The following ASIC2 variants were observed in gnomAD, a reference collection of about 807,000 sequenced individuals.
ASIC2 encodes the protein acid sensing ion channel subunit 2.
A neutral mutation model predicts 57.3 loss-of-function variants in ASIC2; 25 were observed. The ratio of observed to expected loss-of-function variants is 0.44; its 90% CI spans 0.32 to 0.61. The LOEUF (loss-of-function observed/expected upper bound fraction) is 0.61. Among genes scored for constraint, ASIC2 ranks in the 20% least tolerant of loss-of-function variants. The pLI, the probability that ASIC2 is intolerant of heterozygous loss-of-function variation, is 0.06. For synonymous variants in ASIC2, 319 were observed against 307.5 expected, an observed-to-expected ratio of 1.04 and a Z score of -0.39; for missense variants, 641 against 738.1, an observed-to-expected ratio of 0.87 and a Z score of 1.52.
chr17:33,249,876 A>G (rs930919822), intron 1 of ASIC2, among the ~76,000 whole-genome samples: 9 of 152,152 alleles, frequency 5.9e-5, no homozygotes, highest in Admixed American at 2.6e-4. Context: ...CTTGGGACTT[A>G]CTGGCCTGTT....
rs56371087 is a variant in ASIC2 at position 33,598,971 on chromosome 17, G to C, written c.556-486904C>G. Among the ~76,000 whole-genome samples the C allele has an allele frequency of 9.5e-3, 1,446 of 152,324 alleles. 31 individuals are homozygous for C. The highest frequency in any genetic ancestry group is 0.072 in the East Asian group (370 of 5,168). On this transcript the variant is annotated intron_variant, in intron 1 of 9. Transcript: ENST00000359872. The stretch of plus-strand genomic sequence containing the variant: ...GGAAACAGATAGCACCATTTGGACT[G>C]TGTGAGTGTGCATGCACCTTACGCA...
chr17:33,723,590 A>G (rs1909451987), intron 1 of ASIC2, among the ~76,000 whole-genome samples: 1 of 152,130 alleles, frequency 6.6e-6, no homozygotes, highest in Non-Finnish European at 1.5e-5. Context: ...CGGCATCCCA[A>G]AGTGCTGGGA....
At chr17:33,400,093 C>A (rs80327249) in intron 1 of ASIC2, among the ~76,000 whole-genome samples, 3,007 of 152,294 alleles carry the variant, frequency 0.02, 67 homozygotes, top group South Asian at 0.08. Flanking sequence ...GGAGGCTGGT[C>A]TGGGTTAAAA....
chr17:33,340,513 C>T (rs1426134709), intron 1 of ASIC2, among the ~76,000 whole-genome samples: 2 of 145,284 alleles, frequency 1.4e-5, no homozygotes, highest in African/African-American at 5.0e-5. Context: ...GTTTTTCTTC[C>T]CATAAGCCTT....
At chr17:33,032,649 A>G (rs1598243865) in intron 3 of ASIC2, among the ~76,000 whole-genome samples, 1 of 151,896 alleles carries the variant, frequency 6.6e-6, no homozygotes, top group African/African-American at 2.4e-5. Context: ...GACTTTCACC[A>G]TGTTGGCCAG....
chr17:33,261,677 A>G (rs1259732092), intron 1 of ASIC2, among the ~76,000 whole-genome samples: 1 of 152,194 alleles, frequency 6.6e-6, no homozygotes, highest in Admixed American at 6.5e-5. Context: ...CTTGGAGGCA[A>G]ATACTATGAT....
At chr17:33,443,406 A>ATTTTTTTTGTGTTTTTTTTTTT (rs1911895842) in intron 1 of ASIC2, among the ~76,000 whole-genome samples, 1 of 75,232 alleles carries the variant, frequency 1.3e-5, no homozygotes, top group African/African-American at 5.5e-5. Flanking sequence ...GGAGGGTAAG[A>ATTTTTTTTGTGTTTTTTTTTTT]TTTTTTTTTT....
chr17:33,093,558 G>T (rs1030332455), intron 2 of ASIC2, among the ~76,000 whole-genome samples: 24 of 152,140 alleles, frequency 1.6e-4, no homozygotes, highest in African/African-American at 5.8e-4. Flanking sequence ...TAACATGAAA[G>T]ATAATGCTGA....
intron 1 of ASIC2, among the ~76,000 whole-genome samples, chr17:33,711,730 G>T (rs1228010318): frequency 2.0e-5 from 3 of 152,078 alleles, no homozygotes; most frequent in African/African-American, 7.2e-5. Context: ...GATCTTATGA[G>T]AACTCACTCA....
intron 1 of ASIC2, among the ~76,000 whole-genome samples, chr17:33,323,955 T>C (rs1399761459): frequency 6.6e-6 from 1 of 151,830 alleles, no homozygotes; most frequent in Non-Finnish European, 1.5e-5. Flanking sequence ...AGGTGTTCAC[T>C]TGGTGAGAAT....
intron 1 of ASIC2, among the ~76,000 whole-genome samples, chr17:33,430,351 A>G (rs1175031250): frequency 2.6e-5 from 4 of 152,148 alleles, no homozygotes; most frequent in Non-Finnish European, 5.9e-5. Flanking sequence ...CCTGGGGGGA[A>G]AATCTAGAAG....
chr17:33,127,665 C>T (rs1162825429), intron 1 of ASIC2, among the ~76,000 whole-genome samples: 2 of 152,126 alleles, frequency 1.3e-5, no homozygotes, highest in Non-Finnish European at 2.9e-5. Flanking sequence ...TTGAAAATGT[C>T]GCTCTAGTTA....
chr17:34,040,161 G>A (rs1908067160), intron 1 of ASIC2, among the ~76,000 whole-genome samples: 1 of 105,108 alleles, frequency 9.5e-6, no homozygotes, highest in Non-Finnish European at 1.8e-5. Flanking sequence ...GCCTCCTGGC[G>A]CCGGACAAAG....
chr17:33,104,722 C>T (rs145249269), intron 2 of ASIC2, among the ~76,000 whole-genome samples: 12 of 152,346 alleles, frequency 7.9e-5, no homozygotes, highest in African/African-American at 2.9e-4. Flanking sequence ...GCCTAAACCT[C>T]TTTCCCTGTG....
intron 1 of ASIC2, among the ~76,000 whole-genome samples, chr17:33,116,668 A>T (rs2092282516): frequency 6.6e-6 from 1 of 152,198 alleles, no homozygotes; most frequent in Non-Finnish European, 1.5e-5. Context: ...GATAAAAATA[A>T]GTCCCACAAC....
At chr17:33,718,849 G>C (rs765795477) in intron 1 of ASIC2, among the ~76,000 whole-genome samples, 1 of 152,212 alleles carries the variant, frequency 6.6e-6, no homozygotes, top group Non-Finnish European at 1.5e-5. Context: ...GCAGCTTGCA[G>C]GTGGTAAGAG....
intron 1 of ASIC2, among the ~76,000 whole-genome samples, chr17:33,399,845 G>T (rs1290816814): frequency 6.6e-6 from 1 of 152,184 alleles, no homozygotes; most frequent in African/African-American, 2.4e-5. Context: ...TCTGGGTTCA[G>T]TGTGGCCACC....
At chr17:34,019,147 A>G (rs187020042) in intron 1 of ASIC2, among the ~76,000 whole-genome samples, 7 of 151,954 alleles carry the variant, frequency 4.6e-5, no homozygotes, top group Non-Finnish European at 1.0e-4. Context: ...TGACCTCATG[A>G]TCCGCCCTCC....
intron 1 of ASIC2, among the ~76,000 whole-genome samples, chr17:33,527,963 T>A (rs1865392): frequency 2.0e-5 from 3 of 152,066 alleles, no homozygotes; most frequent in South Asian, 2.1e-4. Context: ...AGGAAGAAGA[T>A]GGAACTTCAT....
Sources: allele counts gnomAD v4.1 joint callset (sites outside exome capture counted in the v4.1 genomes callset), GRCh38; gene constraint gnomAD v4.1.1; transcripts MANE v1.5; gene names NCBI Gene and HGNC (gene_info 2026-07-23, HGNC 2026-07-21).